The following SCFD2 variants were observed in gnomAD, a reference collection of about 807,000 sequenced individuals.
SCFD2 encodes sec1 family domain containing 2, also known as sec1 family domain-containing protein 2.
A neutral mutation model predicts 58.9 loss-of-function variants in SCFD2; 54 were observed. The observed-to-expected ratio is 0.92, with a 90% CI of 0.74 to 1.15. The LOEUF is 1.15. Ranked by LOEUF, SCFD2 falls within the 50% of genes most tolerant of loss-of-function variation. SCFD2 has a pLI of 0.00. For missense variants in SCFD2, 805 were observed against 836.6 expected (o/e 0.96, Z 0.47); for synonymous variants, 321 against 335.9 (o/e 0.96, Z 0.49).
chr4:53,311,611 C>A (rs1277982918), intron 3 of SCFD2, among the ~76,000 whole-genome samples: 1 of 151,294 alleles, frequency 6.6e-6, no homozygotes, highest in African/African-American at 2.4e-5. Flanking sequence ...GCATGAAGAC[C>A]CTTTGTGCAT....
intron 1 of SCFD2, among the ~76,000 whole-genome samples, chr4:53,359,771 C>T (rs941076778): frequency 6.6e-5 from 10 of 152,164 alleles, no homozygotes; most frequent in African/African-American, 2.4e-4. Flanking sequence ...AAGGGCAAAT[C>T]CATTAAAAAT....
chr4:52,873,454 T>G lies in SCFD2; in HGVS notation c.*515A>C, dbSNP rs1718396391. ...AGACACTACCCCTCCCTTCCTTGCCTTTTCAGAAATGTTTCAGAGCAAGAG... is the reference window on the plus strand; with the variant it reads ...AGACACTACCCCTCCCTTCCTTGCCGTTTCAGAAATGTTTCAGAGCAAGAG... On this transcript the variant is annotated 3_prime_UTR_variant, in exon 9 of 9. Coordinates refer to ENST00000401642, the MANE Select transcript of SCFD2 (RefSeq NM_152540.4). The G allele has an allele frequency of 6.5e-6, 1 of 153,730 alleles. No individual in the cohort carries two copies. The highest frequency in any genetic ancestry group is 2.4e-5 in the African/African-American group (1 of 41,466). 9.5% of individuals were successfully genotyped at this position (153,730 alleles called of 1,614,324 possible).
At chr4:53,196,377 T>C (rs1728056675) in intron 4 of SCFD2, among the ~76,000 whole-genome samples, 1 of 152,184 alleles carries the variant, frequency 6.6e-6, no homozygotes, top group African/African-American at 2.4e-5. Context: ...GAGATTTCGA[T>C]AAAGGTTTCC....
At chr4:53,018,500 C>T (rs1722266734) in intron 5 of SCFD2, among the ~76,000 whole-genome samples, 1 of 152,144 alleles carries the variant, frequency 6.6e-6, no homozygotes, top group African/African-American at 2.4e-5. Context: ...AGGCCAATTT[C>T]CTTCTGGTGA....
chr4:53,308,401 T>C (rs985666834), intron 3 of SCFD2, among the ~76,000 whole-genome samples: 1 of 152,168 alleles, frequency 6.6e-6, no homozygotes, highest in Non-Finnish European at 1.5e-5. Context: ...GGTATGTTAG[T>C]CTTACTAGGT....
rs191155233 is a variant in SCFD2, at chr4:53,258,615, C to T, written c.1311+15211G>A. Among the ~76,000 whole-genome samples, 394 of 146,882 alleles carry T rather than the reference C, an allele frequency of 2.7e-3. 2 individuals carry two copies. The highest frequency in any genetic ancestry group is 9.6e-3 in the African/African-American group (378 of 39,366). On this transcript the variant is annotated intron_variant, in intron 4 of 8. Coordinates refer to ENST00000401642, the MANE Select transcript of SCFD2 (RefSeq NM_152540.4). ...ATACATAACACATTTTCTTTATCCA[C>T]CCATTGATTGATGGGCATTTGGGCT...
In SCFD2 at chr4:52,959,025, G is replaced by C. The variant is rs192403829; in HGVS notation, c.1562-38155C>G. 1.3e-4 allele frequency among the ~76,000 whole-genome samples: 20 copies of C among 152,250 alleles called. No homozygotes were observed. In the East Asian group the frequency reaches 2.5e-3, roughly 19 times the overall value. ...CTACCTCACTGATTAAGAAACTAAG[G>C]CTTAGAGAGGAAAAGTAATTTGCAG... On this transcript the variant is annotated intron_variant, in intron 5 of 8. Coordinates refer to ENST00000401642, the MANE Select transcript of SCFD2 (RefSeq NM_152540.4).
At chr4:53,227,893 G>C (rs1729275192) in intron 4 of SCFD2, among the ~76,000 whole-genome samples, 1 of 152,170 alleles carries the variant, frequency 6.6e-6, no homozygotes, top group South Asian at 2.1e-4. Flanking sequence ...CATACTAGAA[G>C]TGCAGTTTGA....
chr4:53,329,285 G>C (rs1312219994), intron 2 of SCFD2, among the ~76,000 whole-genome samples: 1 of 152,158 alleles, frequency 6.6e-6, no homozygotes, highest in South Asian at 2.1e-4. Context: ...CTTCACCTCT[G>C]GGGGCAGGGC....
intron 4 of SCFD2, among the ~76,000 whole-genome samples, chr4:53,147,963 GA>G (rs1031780578): frequency 6.6e-6 from 1 of 152,274 alleles, no homozygotes; most frequent in Admixed American, 6.5e-5. Context: ...TAATTTAAAA[GA>G]AAAGAGTCCT....
At chr4:52,970,379 A>G (rs1483182797) in intron 5 of SCFD2, among the ~76,000 whole-genome samples, 2 of 152,252 alleles carry the variant, frequency 1.3e-5, no homozygotes, top group African/African-American at 4.8e-5. Flanking sequence ...TATCCTGTGC[A>G]TGGCTCAGAG....
At position 53,267,268 on chromosome 4, in the gene SCFD2, C is replaced by T. The variant is rs12509845; in HGVS notation, c.1311+6558G>A. Among the ~76,000 whole-genome samples, 400 of 152,194 alleles carry T rather than the reference C, an allele frequency of 2.6e-3. 8 individuals are homozygous for T. Among genetic ancestry groups the T allele is most frequent in the Admixed American group, 0.024 (367 of 15,296 alleles). ...TGGCTCTAAAGCCCTTGGGGAAAAA[C>T]GAAAGGTTGTCCTCATGCTCAAAAT... On this transcript the variant is annotated intron_variant, in intron 4 of 8. Coordinates refer to ENST00000401642, the MANE Select transcript of SCFD2 (RefSeq NM_152540.4).
intron 3 of SCFD2, among the ~76,000 whole-genome samples, chr4:53,301,319 C>A (rs1422220961): frequency 1.3e-5 from 2 of 152,164 alleles, no homozygotes; most frequent in Non-Finnish European, 2.9e-5. Context: ...ATACTATAAA[C>A]ACCTCTATGC....
intron 4 of SCFD2, among the ~76,000 whole-genome samples, chr4:53,208,332 G>A (rs1728502223): frequency 6.6e-6 from 1 of 152,060 alleles, no homozygotes; most frequent in Non-Finnish European, 1.5e-5. Flanking sequence ...CAATAAGCAA[G>A]TTTATTGAGC....
chr4:53,219,421 G>A (rs1304303853), intron 4 of SCFD2, among the ~76,000 whole-genome samples: 3 of 152,332 alleles, frequency 2.0e-5, no homozygotes, highest in East Asian at 3.9e-4. Context: ...CCATGGGTGT[G>A]GGACCCTCTG....
chr4:53,315,405 G>C (rs1220900838), intron 2 of SCFD2, among the ~76,000 whole-genome samples: 1 of 152,120 alleles, frequency 6.6e-6, no homozygotes, highest in Non-Finnish European at 1.5e-5. Context: ...AGTGGAAGGA[G>C]AGCATAAAAG....
intron 5 of SCFD2, among the ~76,000 whole-genome samples, chr4:53,021,529 A>G (rs1397592895): frequency 6.6e-6 from 1 of 152,172 alleles, no homozygotes; most frequent in Non-Finnish European, 1.5e-5. Context: ...TCTCCTTTGA[A>G]GAGTTTACTG....
chr4:53,151,696 C>G (rs1263138767), intron 4 of SCFD2, among the ~76,000 whole-genome samples: 1 of 152,232 alleles, frequency 6.6e-6, no homozygotes, highest in Non-Finnish European at 1.5e-5. Flanking sequence ...GAACCCATCT[C>G]TGCAACTCAT....
At chr4:53,198,669 A>ATG (rs920262887) in intron 4 of SCFD2, among the ~76,000 whole-genome samples, 2 of 147,734 alleles carry the variant, frequency 1.4e-5, no homozygotes, top group South Asian at 2.1e-4. Flanking sequence ...GTGTGAGTGA[A>ATG]TGTGTGTGTG....
Sources: allele counts gnomAD v4.1 joint callset (sites outside exome capture counted in the v4.1 genomes callset), GRCh38; gene constraint gnomAD v4.1.1; transcripts MANE v1.5; gene names NCBI Gene and HGNC (gene_info 2026-07-23, HGNC 2026-07-21).